Variants in PKHD1L1 observed in about 807,000 individuals in gnomAD.
PKHD1L1 encodes PKHD1 like 1, also known as fibrocystin-L.
In PKHD1L1, 434 loss-of-function variants were observed where a neutral mutation model predicts 462.9. The ratio of observed to expected loss-of-function variants is 0.94; its 90% CI spans 0.87 to 1.02. The LOEUF (loss-of-function observed/expected upper bound fraction) is 1.02. Among genes scored for constraint, PKHD1L1 ranks in the 50% least tolerant of loss-of-function variants. The probability of loss-of-function intolerance (pLI) is 0.00; values close to 1 mark genes in which losing one functional copy is unlikely to be tolerated. For synonymous variants in PKHD1L1, 1,781 were observed against 1,750.0 expected (o/e 1.02, Z -0.44); for missense variants, 5,202 against 5,096.1 (o/e 1.02, Z -0.63).
chr8:109,408,208 T>A lies in PKHD1L1; in HGVS notation c.1971+2T>A, dbSNP rs755774051. The stretch of plus-strand genomic sequence containing the variant: ...ACTCTATGGTCATCAGAAGCTGAAG[T>A]ACGGTGTAGGAATGTTTCTACCACG... On this transcript the variant is annotated splice_donor_variant, in intron 18 of 77. Coordinates refer to ENST00000378402, the MANE Select transcript of PKHD1L1 (RefSeq NM_177531.6). LOFTEE classifies it high-confidence loss of function. 1.9e-6 allele frequency: 3 copies of A among 1,610,250 alleles called. No homozygotes were observed. Among genetic ancestry groups the A allele is most frequent in the Non-Finnish European group, 2.5e-6 (3 of 1,177,618 alleles).
Position 109,436,368 on chromosome 8 carries a change from G to A in PKHD1L1, c.3536G>A (p.Gly1179Asp), listed in dbSNP as rs1815408095. 1 of 1,613,022 alleles carries A rather than the reference G, an allele frequency of 6.2e-7. No individual in the cohort carries two copies. Among genetic ancestry groups the A allele is most frequent in the Non-Finnish European group, 8.5e-7 (1 of 1,179,630 alleles). ...ACTCTACTGACTTTATCTGGATTTG[G>A]CTTTAATGAAAATTCAAAGGTATTA... ...GGTLLTLSGF[G>D]FNENSKVLVG... Residue 1179 changes from glycine to aspartate, a missense_variant, in exon 30 of 78, where the codon GGC becomes GAC. Gly to Asp is a moderately conservative substitution (Grantham distance 94). Coordinates refer to ENST00000378402, the MANE Select transcript of PKHD1L1 (RefSeq NM_177531.6).
At chr8:109,371,293 G>T (rs200234648) in intron 2 of PKHD1L1, among the ~76,000 whole-genome samples, 1 of 152,176 alleles carries the variant, frequency 6.6e-6, no homozygotes. Flanking sequence ...TTGACTGCAT[G>T]AATGTCTTCT....
chr8:109,522,077 T>C (rs946546099), intron 73 of PKHD1L1, 109 bp from the exon 74 acceptor site: 14 of 1,126,304 alleles, frequency 1.2e-5, no homozygotes, highest in Non-Finnish European at 1.7e-5. Flanking sequence ...AGCCTTAGAA[T>C]TCTATAATGT....
chr8:109,381,357 C>G lies in PKHD1L1; in HGVS notation c.164-13C>G. 1 of 1,552,518 alleles carries G rather than the reference C, an allele frequency of 6.4e-7. No individual in the cohort carries two copies. Among genetic ancestry groups the G allele is most frequent in the Non-Finnish European group, 8.7e-7 (1 of 1,145,638 alleles). On this transcript the variant is annotated splice_polypyrimidine_tract_variant and intron_variant, in intron 2 of 77. Coordinates refer to ENST00000378402, the MANE Select transcript of PKHD1L1 (RefSeq NM_177531.6). ...ATACCATTAATAATAATTAAGTCTT[C>G]TTACTTTTCCAGGTTTTTCTCAAGC...
At position 109,409,876 on chromosome 8, in the gene PKHD1L1, A is replaced by G. The variant is rs753572763; in HGVS notation, c.1983A>G (p.Ala661=). The G allele has an allele frequency of 6.3e-7, 1 of 1,579,678 alleles. No homozygotes were observed. The highest frequency in any genetic ancestry group is 1.9e-5 in the Admixed American group (1 of 52,938). ...TATTGTTAATTTAGTTTCAGGGAGC[A>G]GTGGAAGAAATGGTTAGCACTAAGT... is the stretch of plus-strand genomic sequence containing the variant. ...LWSSEAEFQG[A]VEEMVSTKCP... The change falls in exon 19 of 78, where the codon GCA becomes GCG. Residue 661 remains alanine (A), a synonymous_variant. Transcript: ENST00000378402.
chr8:109,475,351 G>A (rs1817926935), intron 51 of PKHD1L1, 82 bp downstream of exon 51: 1 of 1,145,254 alleles, frequency 8.7e-7, no homozygotes, highest in East Asian at 2.8e-5. Flanking sequence ...CACAGACATT[G>A]TCAGGCCAGA....
intron 59 of PKHD1L1, among the ~76,000 whole-genome samples, chr8:109,487,923 A>AGGAAGGAC (rs1554589585): frequency 6.6e-6 from 1 of 150,458 alleles, no homozygotes; most frequent in East Asian, 2.0e-4. Flanking sequence ...GAAGGAAGGA[A>AGGAAGGAC]GGAAGGAAGG....
chr8:109,365,684 A>T (rs559340059), intron 2 of PKHD1L1, among the ~76,000 whole-genome samples: 44 of 152,332 alleles, frequency 2.9e-4, no homozygotes, highest in African/African-American at 1.1e-3. Flanking sequence ...TCAGATTAAG[A>T]AAGAAGAAGG....
chr8:109,444,502 A>G (rs1188094597), intron 37 of PKHD1L1, among the ~76,000 whole-genome samples, 159 bp from the exon 38 acceptor site: 3 of 152,140 alleles, frequency 2.0e-5, no homozygotes, highest in African/African-American at 7.2e-5. Flanking sequence ...TTAATCCAAG[A>G]GATGCGTTAA....
intron 60 of PKHD1L1, 116 bp from the exon 61 acceptor site, chr8:109,490,856 G>T: frequency 1.2e-6 from 1 of 866,124 alleles, no homozygotes; most frequent in South Asian, 2.7e-5. Flanking sequence ...AAGAGAAAGT[G>T]AATTGAGTAT....
chr8:109,445,729 A>C (rs1254040128), intron 38 of PKHD1L1, 84 bp downstream of exon 38: 1 of 1,339,724 alleles, frequency 7.5e-7, no homozygotes, highest in Non-Finnish European at 1.0e-6. Flanking sequence ...ATTTGTAAAT[A>C]ACTATTAAGG....
intron 68 of PKHD1L1, among the ~76,000 whole-genome samples, chr8:109,505,892 G>A (rs1042759941): frequency 6.6e-6 from 1 of 152,126 alleles, no homozygotes. Context: ...GCAACACAGT[G>A]AGACCCTGTC....
intron 71 of PKHD1L1, among the ~76,000 whole-genome samples, chr8:109,512,181 C>A (rs1208633164): frequency 2.0e-5 from 3 of 152,016 alleles, no homozygotes; most frequent in African/African-American, 7.2e-5. Context: ...TTTTGTTGTG[C>A]AGAAGCTTTT....
rs745829196 is a variant in PKHD1L1, at chr8:109,419,098, T to A, written c.2362T>A (p.Trp788Arg). 6.2e-7 allele frequency: 1 copy of A among 1,611,270 alleles called. No individual in the cohort carries two copies. The highest frequency in any genetic ancestry group is 8.5e-7 in the Non-Finnish European group (1 of 1,178,124). The change falls in exon 22 of 78, where the codon TGG becomes AGG. Residue 788 changes from tryptophan to arginine, a missense_variant and splice_region_variant. This residue lies in a region of PKHD1L1 where 4,497 missense variants were observed against 4,336.8 expected (regional missense o/e 1.04). Coordinates refer to ENST00000378402, the MANE Select transcript of PKHD1L1 (RefSeq NM_177531.6). ...ACAAATTAATCAACCGTATTTCAGCTGGACTTACACTTGCATAGACCTTCT... is the reference window on the plus strand; with the variant it reads ...ACAAATTAATCAACCGTATTTCAGCAGGACTTACACTTGCATAGACCTTCT... Reference protein sequence around the residue: ...FTYNFAYGNNWTYTCIDLLDL... With the variant: ...FTYNFAYGNNRTYTCIDLLDL...
Position 109,454,759 on chromosome 8 carries a change from G to A in PKHD1L1, c.6781G>A (p.Val2261Ile). Residue 2261 changes from valine (V) to isoleucine (I), a missense_variant, in exon 45 of 78, where the codon GTC becomes ATC. By Grantham distance (29) the Val-to-Ile change is conservative. Transcript: ENST00000378402. Reference sequence around the variant, plus strand: ...GACATCCCCATTCCAACACAAGGCTGTCATTACCTTGCATGGTCACCTGCG... The same window carrying A: ...GACATCCCCATTCCAACACAAGGCTATCATTACCTTGCATGGTCACCTGCG... ...TETSPFQHKAVITLHGHLRSP... is the reference protein window; with the variant it reads ...TETSPFQHKAIITLHGHLRSP... 6.2e-7 allele frequency: 1 copy of A among 1,613,806 alleles called. No homozygotes were observed. The highest frequency in any genetic ancestry group is 2.2e-5 in the East Asian group (1 of 44,866).
At chr8:109,449,308 T>G (rs1394358176) in intron 39 of PKHD1L1, 30 bp from the exon 40 acceptor site, 1 of 1,536,814 alleles carries the variant, frequency 6.5e-7, no homozygotes, top group Non-Finnish European at 8.8e-7. Flanking sequence ...TTAATTAGCT[T>G]TGTTTTTCCT....
intron 67 of PKHD1L1, 189 bp downstream of exon 67, chr8:109,498,960 T>C (rs1819264901): frequency 1.8e-6 from 1 of 567,674 alleles, no homozygotes; most frequent in African/African-American, 1.9e-5. Context: ...ATTCTTATAC[T>C]GTATGTTGAA....
chr8:109,441,725 T>C (rs1393087334), intron 34 of PKHD1L1, among the ~76,000 whole-genome samples: 1 of 152,154 alleles, frequency 6.6e-6, no homozygotes, highest in Non-Finnish European at 1.5e-5. Flanking sequence ...CTATGTAAGA[T>C]TTCTAAGCAA....
chr8:109,463,825 G>A (rs933276180), intron 48 of PKHD1L1, among the ~76,000 whole-genome samples: 10 of 152,136 alleles, frequency 6.6e-5, no homozygotes, highest in Non-Finnish European at 1.3e-4. Flanking sequence ...GCATGCAAAA[G>A]AGCACAACAC....
Sources: allele counts gnomAD v4.1 joint callset (sites outside exome capture counted in the v4.1 genomes callset), GRCh38; gene constraint gnomAD v4.1.1; regional missense constraint gnomAD v4.1.1; transcripts MANE v1.5; gene names NCBI Gene and HGNC (gene_info 2026-07-23, HGNC 2026-07-21).